The following DRC11 variants were observed in gnomAD, a reference collection of about 807,000 sequenced individuals.
DRC11 encodes the protein dynein regulatory complex subunit 11, also known as IQ and AAA domain-containing protein 1.
chr2:236,322,473 C>T, the DRC11 span, among the ~76,000 whole-genome samples: 4 of 152,062 alleles, frequency 2.6e-5, 1 homozygote, highest in Admixed American at 1.3e-4. Context: ...GTCTTGATCT[C>T]CTGACCTCGT....
chr2:236,375,282 T>A, the DRC11 span, among the ~76,000 whole-genome samples: 1 of 152,068 alleles, frequency 6.6e-6, no homozygotes. This position sits in a 1 kb window ranked among gnomAD's most constrained non-coding sequence, Gnocchi z 4.2. Context: ...TTGAAAAAGT[T>A]CAGAAGGGAT....
the DRC11 span, among the ~76,000 whole-genome samples, chr2:236,466,092 G>GT: frequency 2.2e-4 from 33 of 148,250 alleles, no homozygotes; most frequent in South Asian, 8.5e-4. Flanking sequence ...ACACTTTCTT[G>GT]TTTTTTTTTT....
chr2:236,444,784 T>C, the DRC11 span, among the ~76,000 whole-genome samples: 1 of 152,222 alleles, frequency 6.6e-6, no homozygotes, highest in African/African-American at 2.4e-5. Context: ...CTTTCATTCA[T>C]ATAGTCAACC....
the DRC11 span, among the ~76,000 whole-genome samples, chr2:236,457,570 A>C: frequency 6.6e-6 from 1 of 152,242 alleles, no homozygotes; most frequent in African/African-American, 2.4e-5. The surrounding 1 kb of genome is among the most constrained non-coding windows in gnomAD (Gnocchi z 4.7). Flanking sequence ...AAATGGTATC[A>C]TATATGGAAA....
At chr2:236,344,973 G>C in the DRC11 span, among the ~76,000 whole-genome samples, 1 of 150,296 alleles carries the variant, frequency 6.7e-6, no homozygotes, top group Non-Finnish European at 1.5e-5. Flanking sequence ...GGGGTGTGCA[G>C]AGCCCTGGTT....
chr2:236,317,274 G>A, the DRC11 span, among the ~76,000 whole-genome samples: 1 of 151,106 alleles, frequency 6.6e-6, no homozygotes, highest in African/African-American at 2.4e-5. This position sits in a 1 kb window ranked among gnomAD's most constrained non-coding sequence, Gnocchi z 5.4. Context: ...CCTGCCTGGC[G>A]ACAGAGTGAG....
the DRC11 span, among the ~76,000 whole-genome samples, chr2:236,460,132 G>C: frequency 4.6e-5 from 7 of 152,186 alleles, no homozygotes; most frequent in Admixed American, 4.6e-4. The surrounding 1 kb of genome is among the most constrained non-coding windows in gnomAD (Gnocchi z 4.0). Flanking sequence ...AATCAGATAA[G>C]TGTAATCCAA....
the DRC11 span, among the ~76,000 whole-genome samples, chr2:236,307,182 A>C: frequency 6.6e-6 from 1 of 152,068 alleles, no homozygotes; most frequent in East Asian, 1.9e-4. This position sits in a 1 kb window ranked among gnomAD's most constrained non-coding sequence, Gnocchi z 7.0. Flanking sequence ...CAGGGAGGAC[A>C]TTTTCAGGTG....
chr2:236,331,600 G>A, the DRC11 span: 2 of 1,605,056 alleles, frequency 1.2e-6, no homozygotes, highest in Non-Finnish European at 1.7e-6. The surrounding 1 kb of genome is among the most constrained non-coding windows in gnomAD (Gnocchi z 4.8). Context: ...CCACAGAACT[G>A]TTGTATCCAG....
chr2:236,378,004 G>A, the DRC11 span, among the ~76,000 whole-genome samples: 1 of 152,140 alleles, frequency 6.6e-6, no homozygotes, highest in East Asian at 1.9e-4. Flanking sequence ...TCTCTAAGTT[G>A]AGAATTGTAA....
chr2:236,460,538 T>C, the DRC11 span, among the ~76,000 whole-genome samples: 579 of 152,284 alleles, frequency 3.8e-3, 6 homozygotes, highest in African/African-American at 0.013. This position sits in a 1 kb window ranked among gnomAD's most constrained non-coding sequence, Gnocchi z 4.0. Flanking sequence ...GTCTTAAAAA[T>C]GTAAAATCAA....
chr2:236,363,878 C>T, the DRC11 span: 1 of 1,613,954 alleles, frequency 6.2e-7, no homozygotes, highest in Non-Finnish European at 8.5e-7. This position sits in a 1 kb window ranked among gnomAD's most constrained non-coding sequence, Gnocchi z 5.6. Context: ...GCTCCCGTTT[C>T]GGTGCAGATG....
At chr2:236,472,559 T>C in the DRC11 span, among the ~76,000 whole-genome samples, 1 of 152,236 alleles carries the variant, frequency 6.6e-6, no homozygotes, top group East Asian at 1.9e-4. The surrounding 1 kb of genome is among the most constrained non-coding windows in gnomAD (Gnocchi z 4.6). Flanking sequence ...TTATAGTTGT[T>C]GATAGTTTTC....
At chr2:236,377,626 T>C in the DRC11 span, among the ~76,000 whole-genome samples, 2 of 152,244 alleles carry the variant, frequency 1.3e-5, no homozygotes, top group Non-Finnish European at 2.9e-5. The surrounding 1 kb of genome is among the most constrained non-coding windows in gnomAD (Gnocchi z 4.9). Context: ...AATTGCACAA[T>C]TGTTTGAAAG....
the DRC11 span, among the ~76,000 whole-genome samples, chr2:236,483,711 A>C: frequency 1.3e-5 from 2 of 152,226 alleles, no homozygotes; most frequent in African/African-American, 2.4e-5. The surrounding 1 kb of genome is among the most constrained non-coding windows in gnomAD (Gnocchi z 4.8). Flanking sequence ...GCCAGGGTAA[A>C]ATGTAAACTA....
the DRC11 span, among the ~76,000 whole-genome samples, chr2:236,356,133 G>C: frequency 1.3e-5 from 2 of 151,996 alleles, no homozygotes; most frequent in Non-Finnish European, 2.9e-5. Context: ...GCCCTCAGGG[G>C]CCAGGTCACC....
At chr2:236,502,548 CAAAAAAAAAAAAAAA>C in the DRC11 span, among the ~76,000 whole-genome samples, 44 of 15,088 alleles carry the variant, frequency 2.9e-3, no homozygotes, top group South Asian at 8.5e-3. Flanking sequence ...TGCACTCCAG[CAAAAAAAAAAAAAAA>C]AAAAAAAAAA....
At chr2:236,404,540 AG>A in the DRC11 span, among the ~76,000 whole-genome samples, 1 of 152,158 alleles carries the variant, frequency 6.6e-6, no homozygotes, top group Non-Finnish European at 1.5e-5. Context: ...CCAGGCTCCC[AG>A]TCAAGCAACG....
At chr2:236,396,810 T>C in the DRC11 span, among the ~76,000 whole-genome samples, 1 of 152,360 alleles carries the variant, frequency 6.6e-6, no homozygotes, top group East Asian at 1.9e-4. Context: ...ACATTTTGAC[T>C]TTATTGAGCC....
Sources: allele counts gnomAD v4.1 joint callset (sites outside exome capture counted in the v4.1 genomes callset), GRCh38; gene constraint gnomAD v4.1.1; non-coding constraint Gnocchi (gnomAD v3.1); transcripts MANE v1.5; gene names NCBI Gene and HGNC (gene_info 2026-07-23, HGNC 2026-07-21).